The following NLRP4 variants were observed in gnomAD, a reference collection of about 807,000 sequenced individuals.
NLRP4 encodes the protein NLR family pyrin domain containing 4.
A neutral mutation model predicts 84.7 loss-of-function variants in NLRP4; 44 were observed. That is an observed-to-expected ratio of 0.52 (90% CI 0.41 to 0.67). NLRP4 has a LOEUF of 0.67. Among genes scored for constraint, NLRP4 ranks in the 30% least tolerant of loss-of-function variants. NLRP4 has a pLI of 0.00. For synonymous variants in NLRP4, 544 were observed against 476.4 expected (o/e 1.14, Z -1.85); for missense variants, 1,260 against 1,219.4 (o/e 1.03, Z -0.50).
chr19:55,845,825 C>A lies in NLRP4; in HGVS notation c.-65-6191C>A, dbSNP rs917871267. Among the ~76,000 whole-genome samples the A allele has an allele frequency of 4.2e-5, 6 of 143,478 alleles. No homozygotes were observed. In the East Asian group the frequency reaches 1.2e-3, roughly 28 times the overall value. The allele number at this position is 143,478 out of a possible 152,430, so 94.1% of individuals were successfully genotyped here. A position where few individuals can be genotyped will look rare whatever the true frequency, so the allele number is the denominator to read the frequency against. On this transcript the variant is annotated intron_variant, in intron 1 of 9. Transcript: ENST00000301295. ...TGTTTTTTGGCTGCATAAATGTCTTCTTTTGAGAAGTGTCTGTTTATATCC... is the reference window on the plus strand; with the variant it reads ...TGTTTTTTGGCTGCATAAATGTCTTATTTTGAGAAGTGTCTGTTTATATCC...
chr19:55,838,952 C>T (rs1419886583), intron 1 of NLRP4, among the ~76,000 whole-genome samples: 1 of 141,428 alleles, frequency 7.1e-6, no homozygotes, highest in South Asian at 2.1e-4. Context: ...TTACACTAAG[C>T]CTGTTTTTTT....
chr19:55,865,692 T>C (rs1016170795), intron 5 of NLRP4, among the ~76,000 whole-genome samples: 3 of 152,238 alleles, frequency 2.0e-5, no homozygotes, highest in African/African-American at 7.2e-5. Context: ...CATTGCAGTT[T>C]TGATATGCAT....
At chr19:55,856,679 C>T (rs1022211275) in intron 2 of NLRP4, among the ~76,000 whole-genome samples, 2 of 151,922 alleles carry the variant, frequency 1.3e-5, no homozygotes, top group Non-Finnish European at 2.9e-5. Context: ...CCACGCCCGG[C>T]TAATTTTTGT....
At chr19:55,864,147 A>T (rs1555809685) in intron 5 of NLRP4, among the ~76,000 whole-genome samples, 1 of 152,222 alleles carries the variant, frequency 6.6e-6, no homozygotes, top group Non-Finnish European at 1.5e-5. Flanking sequence ...ATTCATGAGG[A>T]AGTACAACCA....
chr19:55,840,836 G>A (rs1487529401), intron 1 of NLRP4, among the ~76,000 whole-genome samples: 1 of 152,096 alleles, frequency 6.6e-6, no homozygotes, highest in African/African-American at 2.4e-5. Flanking sequence ...TGCTTTTCTG[G>A]TATCAATATT....
chr19:55,872,391 A>G (rs1030250890), intron 7 of NLRP4, among the ~76,000 whole-genome samples: 2 of 152,152 alleles, frequency 1.3e-5, no homozygotes, highest in Admixed American at 6.5e-5. Flanking sequence ...AACCCAACCC[A>G]CAAGGAAATA....
chr19:55,839,465 TG>T (rs1983523457), intron 1 of NLRP4, among the ~76,000 whole-genome samples: 1 of 136,910 alleles, frequency 7.3e-6, no homozygotes, highest in Non-Finnish European at 1.5e-5. Flanking sequence ...TGAAGTCTTC[TG>T]TGGGGGAAGA....
chr19:55,843,898 C>G (rs1256799040), intron 1 of NLRP4, among the ~76,000 whole-genome samples: 1 of 152,048 alleles, frequency 6.6e-6, no homozygotes, highest in Non-Finnish European at 1.5e-5. Context: ...TCCTTAGTCT[C>G]TTGTCCTCTC....
Position 55,852,342 on chromosome 19 carries a change from G to A in NLRP4, c.262G>A (p.Val88Ile). ...KMDRKDLCMK[V>I]MRERTGYTKT... is the part of the protein sequence containing the mutation. ...GGATAGAAAGGATCTCTGCATGAAG[G>A]TCATGAGGGAGAGAACAGGTGAGGG... Residue 88 changes from valine (V) to isoleucine (I), a missense_variant, in exon 2 of 10, where the codon GTC (valine) becomes ATC (isoleucine). Transcript: ENST00000301295. The A allele has an allele frequency of 6.2e-7, 1 of 1,602,728 alleles. No homozygotes were observed. Among genetic ancestry groups the A allele is most frequent in the Non-Finnish European group, 8.5e-7 (1 of 1,176,378 alleles).
At chr19:55,864,371 T>A (rs1984875033) in intron 5 of NLRP4, among the ~76,000 whole-genome samples, 1 of 152,218 alleles carries the variant, frequency 6.6e-6, no homozygotes, top group Non-Finnish European at 1.5e-5. Flanking sequence ...GTTTTCAAGG[T>A]TTATCCAAAT....
At chr19:55,852,622 G>A (rs10853879) in intron 2 of NLRP4, among the ~76,000 whole-genome samples, 6,361 of 151,888 alleles carry the variant, frequency 0.042, 187 homozygotes, top group East Asian at 0.09. Flanking sequence ...AATTACAGGC[G>A]CCTGCCACCA....
chr19:55,837,792 T>G (rs1983424935), intron 1 of NLRP4, among the ~76,000 whole-genome samples: 1 of 151,994 alleles, frequency 6.6e-6, no homozygotes, highest in Admixed American at 6.6e-5. Flanking sequence ...CACCAGCACT[T>G]TGGGAGGTTG....
At position 55,862,040 on chromosome 19, in the gene NLRP4, G is replaced by T. The variant is rs764130989; in HGVS notation, c.2067G>T (p.Val689=). ...FSGQSVLLFE[V]LFYQPDLKYL... is the part of the protein sequence containing the mutation. ...GCCAGAGTGTTCTGCTCTTTGAGGT[G>T]CTCTTTTATCAGCCAGACTTGAAAT... is the stretch of plus-strand genomic sequence containing the variant. Residue 689 remains valine (V), a synonymous_variant, in exon 5 of 10, where the codon GTG becomes GTT. Coordinates refer to ENST00000301295, the MANE Select transcript of NLRP4 (RefSeq NM_134444.5). 27 of 1,613,362 alleles carry T rather than the reference G, an allele frequency of 1.7e-5. No individual in the cohort carries two copies. Among genetic ancestry groups the T allele is most frequent in the Non-Finnish European group, 2.3e-5 (27 of 1,179,380 alleles).
At chr19:55,841,136 G>T (rs1012265960) in intron 1 of NLRP4, among the ~76,000 whole-genome samples, 5 of 152,104 alleles carry the variant, frequency 3.3e-5, no homozygotes, top group African/African-American at 1.2e-4. Flanking sequence ...ACATTTCTTT[G>T]TAGTGATACT....
intron 1 of NLRP4, among the ~76,000 whole-genome samples, chr19:55,850,252 A>T (rs374800908): frequency 0.016 from 660 of 41,044 alleles, 3 homozygotes; most frequent in African/African-American, 0.019. Context: ...GTAATTTCCG[A>T]GGCTGCGGTG....
chr19:55,880,147 TCTAACG>T (rs1985532112), intron 9 of NLRP4, among the ~76,000 whole-genome samples: 1 of 148,906 alleles, frequency 6.7e-6, no homozygotes, highest in Non-Finnish European at 1.5e-5. Context: ...CTGTTATAAC[TCTAACG>T]CTAAAGAACA....
rs1983991048 is a variant in NLRP4 at position 55,850,014 on chromosome 19, A to ACTGCGGTGTGATTTCCGTAG, written c.-65-1985_-65-1984insTAGCTGCGGTGTGATTTCCG. On this transcript the variant is annotated intron_variant, in intron 1 of 9. Transcript: ENST00000301295. ...CCGAGACTGCGGTGTGATTTCCGAGACTGCGGTGTGATTTCCGAGACTGCG... is the reference window on the plus strand; with the variant it reads ...CCGAGACTGCGGTGTGATTTCCGAGACTGCGGTGTGATTTCCGTAGCTGCGGTGTGATTTCCGAGACTGCG... 8.5e-5 allele frequency among the ~76,000 whole-genome samples: 5 copies of ACTGCGGTGTGATTTCCGTAG among 58,664 alleles called. 1 individual carries two copies. Among genetic ancestry groups the ACTGCGGTGTGATTTCCGTAG allele is most frequent in the African/African-American group, 5.1e-4 (5 of 9,810 alleles). The allele number at this position is 58,664 out of a possible 152,430, so 38.5% of individuals were successfully genotyped here.
Position 55,852,177 on chromosome 19 carries a change from A to G in NLRP4, c.97A>G (p.Met33Val). Residue 33 changes from methionine (M) to valine (V), a missense_variant, in exon 2 of 10, where the codon ATG (methionine) becomes GTG (valine). Coordinates refer to ENST00000301295, the MANE Select transcript of NLRP4 (RefSeq NM_134444.5). ...FRKFKEHLKQ[M>V]TLQLELKQIP... ...GAAATTTAAAGAACATCTCAAGCAA[A>G]TGACTTTGCAGCTTGAACTCAAGCA... 1 of 1,609,318 alleles carries G rather than the reference A, an allele frequency of 6.2e-7. No individual in the cohort carries two copies. Among genetic ancestry groups the G allele is most frequent in the South Asian group, 1.1e-5 (1 of 89,638 alleles).
chr19:55,859,816 A>G (rs148236855), intron 3 of NLRP4, among the ~76,000 whole-genome samples: 229 of 148,412 alleles, frequency 1.5e-3, no homozygotes, highest in African/African-American at 5.4e-3. Context: ...AATCCCAGCT[A>G]CTTGGGAGGC....
Sources: gnomAD v4.1 joint callset for allele counts (sites outside exome capture counted in the v4.1 genomes callset) on GRCh38, gnomAD v4.1.1 for gene constraint, MANE v1.5 for transcripts, NCBI Gene and HGNC (gene_info 2026-07-23, HGNC 2026-07-21) for gene names.